Variants in EBF1 observed in about 807,000 individuals in gnomAD.
EBF1 encodes the protein transcription factor COE1.
In EBF1, 10 loss-of-function variants were observed where a neutral mutation model predicts 68.4. The ratio of observed to expected loss-of-function variants is 0.15; its 90% CI spans 0.09 to 0.25. The LOEUF (loss-of-function observed/expected upper bound fraction) is 0.25, where lower values mean the gene tolerates loss of function less well. Ranked by LOEUF, EBF1 falls within the 10% of genes least tolerant of loss-of-function variation. The pLI, the probability that EBF1 is intolerant of heterozygous loss-of-function variation, is 1.00. For missense variants in EBF1, 509 were observed against 794.4 expected (o/e 0.64, Z 4.32); for synonymous variants, 298 against 299.8 (o/e 0.99, Z 0.06).
intron 6 of EBF1, among the ~76,000 whole-genome samples, chr5:158,868,137 T>A (rs565837192): frequency 6.6e-6 from 1 of 152,330 alleles, no homozygotes; most frequent in South Asian, 2.1e-4. Flanking sequence ...CTATTCATTT[T>A]TTTTTTGCCA....
intron 6 of EBF1, among the ~76,000 whole-genome samples, chr5:159,049,194 T>C (rs1584255969): frequency 1.3e-5 from 2 of 152,328 alleles, no homozygotes; most frequent in African/African-American, 4.8e-5. Flanking sequence ...AAGCTAAACA[T>C]ACACAGCTAT....
chr5:159,074,184 G>A (rs906066307), intron 5 of EBF1, among the ~76,000 whole-genome samples: 2 of 152,148 alleles, frequency 1.3e-5, no homozygotes, highest in Non-Finnish European at 2.9e-5. Context: ...GTGAGAGGAC[G>A]CTCTTTATGT....
chr5:158,753,901 G>A (rs1028596286), intron 10 of EBF1, among the ~76,000 whole-genome samples: 3 of 151,870 alleles, frequency 2.0e-5, no homozygotes, highest in African/African-American at 7.2e-5. Flanking sequence ...AGTTGTTGTA[G>A]ACCAAATGTT....
intron 6 of EBF1, among the ~76,000 whole-genome samples, chr5:159,063,981 A>C (rs1302515073): frequency 6.6e-6 from 1 of 151,958 alleles, no homozygotes; most frequent in Non-Finnish European, 1.5e-5. Flanking sequence ...TAGCCAATGC[A>C]CTCCAAAATC....
chr5:159,065,544 C>T (rs879874686), intron 6 of EBF1, among the ~76,000 whole-genome samples: 3 of 152,134 alleles, frequency 2.0e-5, no homozygotes, highest in Non-Finnish European at 4.4e-5. Context: ...TCACACCCTA[C>T]AGAAGGGCTC....
intron 6 of EBF1, among the ~76,000 whole-genome samples, chr5:158,854,715 A>C (rs1467988492): frequency 6.6e-6 from 1 of 152,180 alleles, no homozygotes; most frequent in African/African-American, 2.4e-5. Flanking sequence ...AAAAGTCAGC[A>C]ATTTGGAACT....
chr5:158,779,789 C>T (rs554825321), intron 9 of EBF1, among the ~76,000 whole-genome samples: 14 of 152,238 alleles, frequency 9.2e-5, no homozygotes, highest in South Asian at 8.3e-4. Flanking sequence ...ACAAAATTCA[C>T]GGGCTTTATA....
chr5:158,725,759 G>C (rs1372385515), intron 11 of EBF1, among the ~76,000 whole-genome samples: 1 of 152,210 alleles, frequency 6.6e-6, no homozygotes, highest in Admixed American at 6.5e-5. Flanking sequence ...AAACCCGGGT[G>C]AGAGATTCCG....
chr5:159,017,754 C>T (rs758504633), intron 6 of EBF1, among the ~76,000 whole-genome samples: 12 of 152,124 alleles, frequency 7.9e-5, no homozygotes, highest in African/African-American at 1.7e-4. Flanking sequence ...CAGGAAAAGA[C>T]GGAAATCAGC....
intron 6 of EBF1, among the ~76,000 whole-genome samples, chr5:158,884,301 T>C (rs1458607982): frequency 4.6e-5 from 7 of 152,112 alleles, no homozygotes; most frequent in Admixed American, 4.6e-4. Flanking sequence ...GAGATCTCGG[T>C]TTATTCCTGA....
At chr5:159,054,104 T>A (rs1440464592) in intron 6 of EBF1, among the ~76,000 whole-genome samples, 1 of 152,240 alleles carries the variant, frequency 6.6e-6, no homozygotes, top group Non-Finnish European at 1.5e-5. Context: ...ACATATGGAT[T>A]TCTTTTAATA....
chr5:158,980,823 A>C (rs963494819), intron 6 of EBF1, among the ~76,000 whole-genome samples: 1 of 152,228 alleles, frequency 6.6e-6, no homozygotes, highest in Non-Finnish European at 1.5e-5. Context: ...TAAAACTCTG[A>C]AAAACTGGAG....
intron 5 of EBF1, chr5:159,073,806 A>G: frequency 4.2e-6 from 1 of 236,982 alleles, no homozygotes; most frequent in Non-Finnish European, 8.3e-6. Flanking sequence ...AGAATATTCA[A>G]GGTTGTGGGT....
At chr5:158,863,109 T>C (rs1795247458) in intron 6 of EBF1, among the ~76,000 whole-genome samples, 1 of 152,210 alleles carries the variant, frequency 6.6e-6, no homozygotes, top group Non-Finnish European at 1.5e-5. Flanking sequence ...TATGTTCCTT[T>C]ATGCTAAAGG....
chr5:158,783,258 A>G (rs1043741408), intron 9 of EBF1, among the ~76,000 whole-genome samples: 1 of 152,198 alleles, frequency 6.6e-6, no homozygotes, highest in Non-Finnish European at 1.5e-5. Context: ...CATTATTTTT[A>G]TTATGAGAAA....
chr5:158,857,272 A>T (rs1038258188), intron 6 of EBF1, among the ~76,000 whole-genome samples: 3 of 151,884 alleles, frequency 2.0e-5, no homozygotes, highest in Admixed American at 6.6e-5. Context: ...TGAACAACAC[A>T]TAATCCCATC....
chr5:158,986,180 T>C (rs986325324), intron 6 of EBF1, among the ~76,000 whole-genome samples: 1 of 152,232 alleles, frequency 6.6e-6, no homozygotes, highest in African/African-American at 2.4e-5. Context: ...ATTTCTGTCC[T>C]TCTCTCTCTG....
At chr5:158,790,640 C>T (rs1778409046) in intron 9 of EBF1, among the ~76,000 whole-genome samples, 1 of 152,142 alleles carries the variant, frequency 6.6e-6, no homozygotes. Context: ...TCAGCATTTC[C>T]CAAACTTACC....
intron 6 of EBF1, among the ~76,000 whole-genome samples, chr5:158,953,923 A>G (rs1816541468): frequency 6.6e-6 from 1 of 152,222 alleles, no homozygotes; most frequent in African/African-American, 2.4e-5. Flanking sequence ...TAGGGGAAAA[A>G]TATGCACCAT....
Sources: allele counts gnomAD v4.1 joint callset (sites outside exome capture counted in the v4.1 genomes callset), GRCh38; gene constraint gnomAD v4.1.1; transcripts MANE v1.5; gene names NCBI Gene and HGNC (gene_info 2026-07-23, HGNC 2026-07-21).